Variants in ANKRD26 observed in about 807,000 individuals in gnomAD.
The protein encoded by ANKRD26 is ankyrin repeat domain 26, also known as ankyrin repeat domain-containing protein 26.
A neutral mutation model predicts 208.7 loss-of-function variants in ANKRD26; 141 were observed. That is an observed-to-expected ratio of 0.68 (90% CI 0.59 to 0.78). ANKRD26 has a LOEUF of 0.78. Among genes scored for constraint, ANKRD26 ranks in the 30% least tolerant of loss-of-function variants. The pLI is 0.00. For synonymous variants in ANKRD26, 636 were observed against 660.4 expected (o/e 0.96, Z 0.57); for missense variants, 1,889 against 1,938.7 (o/e 0.97, Z 0.48).
intron 4 of ANKRD26, among the ~76,000 whole-genome samples, chr10:26,982,213 T>C (rs969754300): frequency 1.3e-5 from 2 of 152,216 alleles, no homozygotes; most frequent in African/African-American, 2.4e-5. Context: ...TCAAGAGAAC[T>C]GTTTTAGGGT....
At chr10:27,078,285 C>T (rs1203380748) in intron 7 of ANKRD26, among the ~76,000 whole-genome samples, 2 of 152,110 alleles carry the variant, frequency 1.3e-5, no homozygotes, top group Non-Finnish European at 2.9e-5. Flanking sequence ...GCAATGATTG[C>T]TGAACAAAAG....
chr10:27,047,719 C>A (rs112358371), intron 17 of ANKRD26, among the ~76,000 whole-genome samples: 1,631 of 100,466 alleles, frequency 0.016, 37 homozygotes, highest in African/African-American at 0.044. Flanking sequence ...ACTACTACTA[C>A]TACTAATAAT....
chr10:27,050,071 T>C (rs1342120109), intron 16 of ANKRD26, among the ~76,000 whole-genome samples: 1 of 150,970 alleles, frequency 6.6e-6, no homozygotes, highest in African/African-American at 2.4e-5. Context: ...AATACAAAAA[T>C]TAGCCGGGTG....
the ANKRD26 span, among the ~76,000 whole-genome samples, chr10:26,954,097 T>C: frequency 6.6e-6 from 1 of 152,234 alleles, no homozygotes; most frequent in Non-Finnish European, 1.5e-5. Context: ...CACTTTTTGA[T>C]TGACTACACA....
chr10:27,086,760 A>ATT, intron 4 of ANKRD26, 151 bp from the exon 5 acceptor site: 2 of 693,332 alleles, frequency 2.9e-6, no homozygotes, highest in Middle Eastern at 5.1e-4. Context: ...AGCTCTACAA[A>ATT]CTTTTTTGTT....
intron 25 of ANKRD26, among the ~76,000 whole-genome samples, chr10:27,032,729 C>T (rs532433078): frequency 2.8e-4 from 43 of 151,210 alleles, no homozygotes; most frequent in African/African-American, 9.9e-4. Context: ...GCAAAAGAAT[C>T]GCTTGAACCG....
intron 4 of ANKRD26, chr10:26,995,271 G>A (rs1270465623): frequency 6.8e-6 from 3 of 439,174 alleles, no homozygotes; most frequent in African/African-American, 6.0e-5. Context: ...GTTTAGAAGG[G>A]TCTCAAGAGA....
At chr10:27,019,210 G>A (rs530371981) in intron 29 of ANKRD26, among the ~76,000 whole-genome samples, 1 of 152,204 alleles carries the variant, frequency 6.6e-6, no homozygotes, top group Admixed American at 6.5e-5. Context: ...AACCCAGGAG[G>A]CGGAGCTTGC....
intron 29 of ANKRD26, 54 bp downstream of exon 29, chr10:27,022,504 T>C (rs1441652103): frequency 1.5e-6 from 2 of 1,357,872 alleles, no homozygotes; most frequent in South Asian, 2.5e-5. Context: ...TTGAGAAGTC[T>C]ATATTTCCCA....
downstream of ANKRD26, among the ~76,000 whole-genome samples, chr10:26,972,933 T>A (rs1157193950): frequency 2.6e-5 from 4 of 152,114 alleles, no homozygotes; most frequent in African/African-American, 9.7e-5. Flanking sequence ...TGGTAGGTAG[T>A]AGAGTTGGAA....
downstream of ANKRD26, among the ~76,000 whole-genome samples, chr10:26,969,520 C>A (rs1665657863): frequency 6.6e-6 from 1 of 152,140 alleles, no homozygotes. Context: ...CTGGAACCAG[C>A]CACCTCCTTG....
rs745409749 is a variant in ANKRD26, at chr10:27,017,649, C to T, written c.4359G>A (p.Lys1453=). 4 of 1,613,600 alleles carry T rather than the reference C, an allele frequency of 2.5e-6. No individual in the cohort carries two copies. The South Asian group carries it at 4.4e-5, about 18-fold the overall frequency. The change falls in exon 30 of 34, where the codon AAG becomes AAA. Residue 1453 remains lysine, a synonymous_variant. Coordinates refer to ENST00000376087, the MANE Select transcript of ANKRD26 (RefSeq NM_014915.3). ...TCAGGTTGATCACTTCTTGTTCCAA[C>T]TTCTTTTTATTCTTCTGTAGTTTTT... ...KCEKLQKNKK[K]LEQEVINLRS... is the part of the protein sequence containing the mutation.
At chr10:27,096,221 C>A (rs1200644134) in intron 1 of ANKRD26, among the ~76,000 whole-genome samples, 2 of 152,134 alleles carry the variant, frequency 1.3e-5, no homozygotes, top group Non-Finnish European at 2.9e-5. Context: ...AAATCAGCAA[C>A]TTTCCATCTT....
chr10:26,968,215 C>G, the ANKRD26 span, among the ~76,000 whole-genome samples: 6 of 152,194 alleles, frequency 3.9e-5, no homozygotes, highest in African/African-American at 1.2e-4. Context: ...AGGAACTCAA[C>G]CTGGGTTTTT....
chr10:27,078,460 G>A (rs570825604), intron 7 of ANKRD26, among the ~76,000 whole-genome samples: 56 of 152,046 alleles, frequency 3.7e-4, no homozygotes, highest in African/African-American at 1.2e-3. Context: ...AAAAATAGAG[G>A]CATGACCATT....
chr10:27,086,761 C>CTTTTTTTTTTT (rs1255812481), intron 4 of ANKRD26, 152 bp from the exon 5 acceptor site: 2 of 376,060 alleles, frequency 5.3e-6, no homozygotes, highest in Non-Finnish European at 8.1e-6. Context: ...GCTCTACAAA[C>CTTTTTTTTTTT]TTTTTTGTTT....
At chr10:27,015,726 C>T (rs2053267595) in intron 30 of ANKRD26, among the ~76,000 whole-genome samples, 1 of 152,166 alleles carries the variant, frequency 6.6e-6, no homozygotes, top group Non-Finnish European at 1.5e-5. Context: ...TTTCAAGTGG[C>T]CCAGTTGAAA....
At position 27,093,813 on chromosome 10, in the gene ANKRD26, AG is replaced by A. The variant is rs1361263701; in HGVS notation, c.243-15del. ...TGTAGAGCCGTCCTATGAGAGTGAC[AG>A]GACTTTTTATAAACTGTAGTGCACT... On this transcript the variant is annotated splice_polypyrimidine_tract_variant and intron_variant, in intron 1 of 33. Transcript: ENST00000376087. 6.3e-7 allele frequency: 1 copy of A among 1,586,156 alleles called. No individual in the cohort carries two copies. Among genetic ancestry groups the A allele is most frequent in the Non-Finnish European group, 8.7e-7 (1 of 1,154,726 alleles).
At chr10:27,047,249 A>T (rs2054479633) in intron 17 of ANKRD26, among the ~76,000 whole-genome samples, 1 of 152,180 alleles carries the variant, frequency 6.6e-6, no homozygotes, top group Non-Finnish European at 1.5e-5. Context: ...TGGGGGAAAA[A>T]TCCTTTTAGA....
Sources: gnomAD v4.1 joint callset for allele counts (sites outside exome capture counted in the v4.1 genomes callset) on GRCh38, gnomAD v4.1.1 for gene constraint, MANE v1.5 for transcripts, NCBI Gene and HGNC (gene_info 2026-07-23, HGNC 2026-07-21) for gene names.